Variants in GRID2 observed in about 807,000 individuals in gnomAD.
The protein encoded by GRID2 is glutamate ionotropic receptor delta type subunit 2.
A neutral mutation model predicts 114.8 loss-of-function variants in GRID2; 33 were observed. The observed-to-expected ratio is 0.29, with a 90% CI of 0.22 to 0.38. The LOEUF (loss-of-function observed/expected upper bound fraction) is 0.38. Among genes scored for constraint, GRID2 ranks in the 10% least tolerant of loss-of-function variants. The pLI is 1.00. For missense variants in GRID2, 1,184 were observed against 1,257.7 expected (o/e 0.94, Z 0.89); for synonymous variants, 505 against 449.9 (o/e 1.12, Z -1.55).
At chr4:92,349,213 TAACAC>T (rs2110179285) in intron 1 of GRID2, among the ~76,000 whole-genome samples, 1 of 152,112 alleles carries the variant, frequency 6.6e-6, no homozygotes, top group South Asian at 2.1e-4. Flanking sequence ...ACATGGAAAA[TAACAC>T]AATTATATGT....
intron 2 of GRID2, among the ~76,000 whole-genome samples, chr4:92,801,061 T>C (rs988368189): frequency 3.9e-5 from 6 of 151,984 alleles, no homozygotes; most frequent in Non-Finnish European, 5.9e-5. Flanking sequence ...ACCTGGCTCA[T>C]TGAGTATTGT....
intron 6 of GRID2, among the ~76,000 whole-genome samples, chr4:93,218,789 A>C (rs1744535876): frequency 1.3e-5 from 2 of 152,178 alleles, no homozygotes; most frequent in East Asian, 1.9e-4. Flanking sequence ...ACAGTTCCTC[A>C]GGGCAGGGAA....
intron 2 of GRID2, among the ~76,000 whole-genome samples, chr4:93,064,002 G>A (rs1296108645): frequency 6.7e-5 from 10 of 150,124 alleles, no homozygotes; most frequent in Admixed American, 6.0e-4. Context: ...ATATGTATGT[G>A]TATATATTAT....
At chr4:92,820,184 G>A (rs1299071352) in intron 2 of GRID2, among the ~76,000 whole-genome samples, 1 of 152,152 alleles carries the variant, frequency 6.6e-6, no homozygotes, top group Non-Finnish European at 1.5e-5. Context: ...TTTTAGGGGA[G>A]AGGGCTATGA....
chr4:92,440,445 C>T (rs1392458864), intron 1 of GRID2, among the ~76,000 whole-genome samples: 80 of 150,054 alleles, frequency 5.3e-4, no homozygotes, highest in African/African-American at 7.4e-4. Context: ...AGAGGTATTT[C>T]AGTTATCTGA....
At position 93,149,946 on chromosome 4, in the gene GRID2, G is replaced by A. The variant is rs564682825; in HGVS notation, c.735+38993G>A. On this transcript the variant is annotated intron_variant, in intron 4 of 15. Transcript: ENST00000282020. ...TCACTGTACCCGACCACCAAGAAGA[G>A]CTTTGATAGTCACAAAGATAGTCTT... 4.6e-5 allele frequency among the ~76,000 whole-genome samples: 7 copies of A among 152,054 alleles called. No homozygotes were observed. The South Asian group carries it at 1.5e-3, about 32-fold the overall frequency.
intron 1 of GRID2, among the ~76,000 whole-genome samples, chr4:92,584,395 T>C (rs926766315): frequency 6.6e-6 from 1 of 151,996 alleles, no homozygotes; most frequent in Non-Finnish European, 1.5e-5. Context: ...AACTCACTTG[T>C]GAATAGTAGC....
At chr4:92,521,406 C>T (rs968048100) in intron 1 of GRID2, among the ~76,000 whole-genome samples, 8 of 151,854 alleles carry the variant, frequency 5.3e-5, no homozygotes, top group South Asian at 4.2e-4. Flanking sequence ...TTAATAGTAT[C>T]GACAATTTAT....
Position 92,678,765 on chromosome 4 carries a change from G to A in GRID2, c.244+88479G>A, listed in dbSNP as rs530405160. On this transcript the variant is annotated intron_variant, in intron 2 of 15. Transcript: ENST00000282020. ...ATTTATGAAACGTTTGCTATGTATC[G>A]GATACTCTCCTGGGCCCTTTAGATA... Among the ~76,000 whole-genome samples, 90 of 151,792 alleles carry A rather than the reference G, an allele frequency of 5.9e-4. No homozygotes were observed. The East Asian group carries it at 8.7e-3, about 15-fold the overall frequency.
chr4:93,472,365 G>A (rs1006704627), intron 11 of GRID2, among the ~76,000 whole-genome samples: 11 of 151,918 alleles, frequency 7.2e-5, no homozygotes, highest in East Asian at 1.9e-4. Context: ...ATCTCTCAGG[G>A]TATAACTTTT....
At chr4:92,495,249 A>G (rs1026409052) in intron 1 of GRID2, among the ~76,000 whole-genome samples, 2 of 151,926 alleles carry the variant, frequency 1.3e-5, no homozygotes, top group East Asian at 1.9e-4. Context: ...TAACCTTCCC[A>G]GTAGGTTTAT....
intron 4 of GRID2, among the ~76,000 whole-genome samples, chr4:93,152,773 A>G (rs1439824307): frequency 6.6e-6 from 1 of 152,122 alleles, no homozygotes; most frequent in Non-Finnish European, 1.5e-5. Context: ...AATGTTTTAG[A>G]TATTTCAGAG....
intron 3 of GRID2, among the ~76,000 whole-genome samples, chr4:93,090,330 T>C (rs76525673): frequency 0.024 from 3,685 of 152,266 alleles, 149 homozygotes; most frequent in African/African-American, 0.083. Flanking sequence ...GCTCTCTCCT[T>C]AAGTTTCTGC....
chr4:93,614,546 T>C (rs1041349355), intron 13 of GRID2, among the ~76,000 whole-genome samples: 1 of 152,078 alleles, frequency 6.6e-6, no homozygotes, highest in African/African-American at 2.4e-5. Flanking sequence ...TAGTCATTTA[T>C]TTAAAATTAT....
rs139116511 is a variant in GRID2, at chr4:92,354,184, C to T, written c.88+49440C>T. Among the ~76,000 whole-genome samples, 454 of 152,126 alleles carry T rather than the reference C, an allele frequency of 3.0e-3. 3 individuals carry two copies. Among genetic ancestry groups the T allele is most frequent in the African/African-American group, 0.011 (436 of 41,518 alleles). The stretch of plus-strand genomic sequence containing the variant: ...CACTGGGAACATGGGCTAATATCTT[C>T]AAGACTGCTACCCAACCATCAATGA... On this transcript the variant is annotated intron_variant, in intron 1 of 15. Coordinates refer to ENST00000282020, the MANE Select transcript of GRID2 (RefSeq NM_001510.4).
intron 2 of GRID2, among the ~76,000 whole-genome samples, chr4:92,916,481 G>C (rs1748801988): frequency 6.6e-6 from 1 of 151,970 alleles, no homozygotes; most frequent in South Asian, 2.1e-4. Context: ...TTTAACATTA[G>C]GTATATCTCC....
chr4:92,479,738 G>A (rs534566775), intron 1 of GRID2, among the ~76,000 whole-genome samples: 19 of 152,172 alleles, frequency 1.2e-4, no homozygotes, highest in African/African-American at 3.4e-4. Context: ...AACAAACTAC[G>A]TTAAATGATT....
chr4:93,539,963 T>TA (rs1732492186), intron 13 of GRID2, among the ~76,000 whole-genome samples: 1 of 152,024 alleles, frequency 6.6e-6, no homozygotes, highest in African/African-American at 2.4e-5. Flanking sequence ...CTGAAAGTTT[T>TA]AAAAAATTAT....
At chr4:92,471,321 A>G (rs892880319) in intron 1 of GRID2, among the ~76,000 whole-genome samples, 2 of 152,098 alleles carry the variant, frequency 1.3e-5, no homozygotes, top group African/African-American at 4.8e-5. Context: ...ATAATGTTAC[A>G]TGACTCCAAA....
Sources: allele counts gnomAD v4.1 joint callset (sites outside exome capture counted in the v4.1 genomes callset), GRCh38; gene constraint gnomAD v4.1.1; transcripts MANE v1.5; gene names NCBI Gene and HGNC (gene_info 2026-07-23, HGNC 2026-07-21).